Variants in KCNH1 observed in about 807,000 individuals in gnomAD.
KCNH1 encodes the protein potassium voltage-gated channel subfamily H member 1, also known as voltage-gated delayed rectifier potassium channel KCNH1.
In KCNH1, 27 loss-of-function variants were observed where a neutral mutation model predicts 69.2. That is an observed-to-expected ratio of 0.39 (90% CI 0.29 to 0.54). The LOEUF (loss-of-function observed/expected upper bound fraction) is 0.54. KCNH1 is among the 20% of genes least tolerant of loss of function. KCNH1 has a pLI of 0.68. For synonymous variants in KCNH1, 456 were observed against 487.7 expected, an observed-to-expected ratio of 0.93 and a Z score of 0.86; for missense variants, 798 against 1,261.6, an observed-to-expected ratio of 0.63 and a Z score of 5.57.
intron 10 of KCNH1, among the ~76,000 whole-genome samples, chr1:210,750,067 C>T (rs1465072760): frequency 6.6e-6 from 1 of 152,094 alleles, no homozygotes; most frequent in Non-Finnish European, 1.5e-5. Context: ...TTACTGCAGG[C>T]ACGTGGGCTG....
rs1553371535 is a variant in KCNH1, at chr1:211,019,264, G to A, written c.559-8C>T. 1 of 1,559,908 alleles carries A rather than the reference G, an allele frequency of 6.4e-7. No homozygotes were observed. Among genetic ancestry groups the A allele is most frequent in the Non-Finnish European group, 8.7e-7 (1 of 1,149,058 alleles). ...TGAGCCCAGCTGTAGGACCTGTACAGAAAAACATGACCAAGAGAGAACTAA... is the reference window on the plus strand; with the variant it reads ...TGAGCCCAGCTGTAGGACCTGTACAAAAAAACATGACCAAGAGAGAACTAA... On this transcript the variant is annotated splice_polypyrimidine_tract_variant and splice_region_variant and intron_variant, in intron 5 of 10. Transcript: ENST00000271751.
chr1:210,796,320 G>T (rs968183569), intron 9 of KCNH1, among the ~76,000 whole-genome samples: 3 of 152,046 alleles, frequency 2.0e-5, no homozygotes, highest in East Asian at 3.9e-4. Flanking sequence ...ACAAAATGGG[G>T]ATAATAAAAC....
intron 5 of KCNH1, among the ~76,000 whole-genome samples, chr1:211,048,172 T>C (rs752137820): frequency 6.6e-6 from 1 of 152,062 alleles, no homozygotes; most frequent in Non-Finnish European, 1.5e-5. Flanking sequence ...AATTTAAAAA[T>C]TAAAAAATAA....
At chr1:210,862,645 T>C (rs1686004095) in intron 7 of KCNH1, among the ~76,000 whole-genome samples, 1 of 152,200 alleles carries the variant, frequency 6.6e-6, no homozygotes, top group East Asian at 1.9e-4. Flanking sequence ...ATATTTTCAA[T>C]AGTTAGAGGC....
intron 7 of KCNH1, among the ~76,000 whole-genome samples, chr1:210,836,438 T>C (rs1685284999): frequency 6.6e-6 from 1 of 152,168 alleles, no homozygotes; most frequent in African/African-American, 2.4e-5. Flanking sequence ...CTGATGCACT[T>C]TGGCAGAGTC....
intron 5 of KCNH1, among the ~76,000 whole-genome samples, chr1:211,056,340 T>C (rs936134571): frequency 6.6e-6 from 1 of 152,096 alleles, no homozygotes; most frequent in Non-Finnish European, 1.5e-5. Context: ...AAGGACTTTG[T>C]CTCATGGCTT....
chr1:210,882,340 C>T (rs938714706), intron 7 of KCNH1, among the ~76,000 whole-genome samples: 5 of 152,154 alleles, frequency 3.3e-5, no homozygotes, highest in African/African-American at 1.2e-4. Flanking sequence ...GGGTCATCCT[C>T]ATCTGGGTGT....
At chr1:211,026,366 G>A (rs1689682973) in intron 5 of KCNH1, among the ~76,000 whole-genome samples, 1 of 124,402 alleles carries the variant, frequency 8.0e-6, no homozygotes, top group Non-Finnish European at 1.6e-5. Context: ...GAAACTCCAA[G>A]GAGTATAGAC....
chr1:210,908,304 C>T (rs1024451446), intron 7 of KCNH1, among the ~76,000 whole-genome samples: 4 of 152,216 alleles, frequency 2.6e-5, no homozygotes, highest in African/African-American at 7.2e-5. Context: ...TTAAATCATA[C>T]ATTCAACAAA....
intron 6 of KCNH1, among the ~76,000 whole-genome samples, chr1:210,942,741 C>T (rs1329665707): frequency 6.7e-6 from 1 of 149,566 alleles, no homozygotes; most frequent in African/African-American, 2.5e-5. Context: ...CATAGGGGAG[C>T]AAAGGTCGGT....
At chr1:211,016,498 T>C (rs368985721) in intron 6 of KCNH1, among the ~76,000 whole-genome samples, 3 of 152,312 alleles carry the variant, frequency 2.0e-5, no homozygotes, top group African/African-American at 7.2e-5. Flanking sequence ...TTTAAGAAGC[T>C]CTTTTAGATT....
chr1:210,842,734 C>A (rs1196629442), intron 7 of KCNH1, among the ~76,000 whole-genome samples: 1 of 152,148 alleles, frequency 6.6e-6, no homozygotes, highest in Non-Finnish European at 1.5e-5. Context: ...CAAGAGTGGT[C>A]TCTAGCATCT....
chr1:210,728,818 T>C (rs1239871633), intron 10 of KCNH1, among the ~76,000 whole-genome samples: 1 of 152,242 alleles, frequency 6.6e-6, no homozygotes, highest in African/African-American at 2.4e-5. Context: ...CTGGCATAGA[T>C]AGGGCCAGCA....
chr1:211,109,008 G>T (rs1398427682), intron 1 of KCNH1, among the ~76,000 whole-genome samples: 1 of 152,192 alleles, frequency 6.6e-6, no homozygotes, highest in Non-Finnish European at 1.5e-5. Flanking sequence ...AATGAACTCT[G>T]AGAGAGGTAA....
chr1:210,935,120 TCACACACACACACACA>T (rs10588037), intron 6 of KCNH1, among the ~76,000 whole-genome samples: 2,591 of 129,222 alleles, frequency 0.02, 78 homozygotes, highest in African/African-American at 0.061. Context: ...AAAGAAAATG[TCACACACACACACACA>T]CACACACACA....
intron 5 of KCNH1, among the ~76,000 whole-genome samples, chr1:211,046,622 T>G (rs904981093): frequency 2.0e-5 from 3 of 152,174 alleles, no homozygotes; most frequent in Admixed American, 1.3e-4. Context: ...GTTTTAAGGG[T>G]GCAGCCAAGT....
chr1:210,784,086 C>A (rs1574253844), intron 9 of KCNH1, among the ~76,000 whole-genome samples: 1 of 152,190 alleles, frequency 6.6e-6, no homozygotes, highest in East Asian at 1.9e-4. Context: ...GACTGTGGAC[C>A]AGAAAGCAAG....
chr1:210,684,156 G>T lies in KCNH1; in HGVS notation c.2113-18C>A. The T allele has an allele frequency of 6.7e-7, 1 of 1,498,996 alleles. No individual in the cohort carries two copies. The highest frequency in any genetic ancestry group is 8.9e-7 in the Non-Finnish European group (1 of 1,126,180). 92.9% of individuals were successfully genotyped at this position (1,498,996 alleles called of 1,614,324 possible). On this transcript the variant is annotated intron_variant, in intron 10 of 10. Transcript: ENST00000271751. ...AACACAATCTGGAGAGAGAGAGAGAGAGAATGACATGGCGTGTTAGCCACA... is the reference window on the plus strand; with the variant it reads ...AACACAATCTGGAGAGAGAGAGAGATAGAATGACATGGCGTGTTAGCCACA...
intron 10 of KCNH1, among the ~76,000 whole-genome samples, chr1:210,740,020 G>A (rs1682983609): frequency 6.6e-6 from 1 of 152,176 alleles, no homozygotes; most frequent in Admixed American, 6.5e-5. Context: ...ATCTTGCAGG[G>A]ACTCTATAGA....
Sources: gnomAD v4.1 joint callset for allele counts (sites outside exome capture counted in the v4.1 genomes callset) on GRCh38, gnomAD v4.1.1 for gene constraint, MANE v1.5 for transcripts, NCBI Gene and HGNC (gene_info 2026-07-23, HGNC 2026-07-21) for gene names.